TTLL7: variants seen among roughly 807,000 people sequenced by gnomAD.
The protein encoded by TTLL7 is tubulin polyglutamylase TTLL7.
Under a neutral mutation model 120.2 loss-of-function variants are expected in TTLL7, and 53 were observed. The ratio of observed to expected loss-of-function variants is 0.44; its 90% CI spans 0.35 to 0.55. The LOEUF is 0.55. TTLL7 is among the 20% of genes least tolerant of loss of function. The pLI is 0.00. For missense variants in TTLL7, 803 were observed against 1,054.7 expected (o/e 0.76, Z 3.31); for synonymous variants, 353 against 351.7 (o/e 1.00, Z -0.04).
chr1:83,884,215 A>C (rs1195918487), intron 19 of TTLL7, among the ~76,000 whole-genome samples: 1 of 151,870 alleles, frequency 6.6e-6, no homozygotes, highest in Non-Finnish European at 1.5e-5. Context: ...TCAAGCCTCC[A>C]GGGGAAATTT....
intron 1 of TTLL7, among the ~76,000 whole-genome samples, chr1:83,967,406 A>T (rs1230292209): frequency 6.6e-6 from 1 of 152,136 alleles, no homozygotes; most frequent in African/African-American, 2.4e-5. Context: ...AGCACAATTC[A>T]TTCAGACCTC....
chr1:83,973,585 A>G (rs1651192018), intron 1 of TTLL7, among the ~76,000 whole-genome samples: 1 of 151,992 alleles, frequency 6.6e-6, no homozygotes, highest in Non-Finnish European at 1.5e-5. Context: ...TTTTAGAATC[A>G]GTTTGTCAAT....
At chr1:83,938,352 ATTTG>A (rs1247210376) in intron 7 of TTLL7, among the ~76,000 whole-genome samples, 1 of 152,224 alleles carries the variant, frequency 6.6e-6, no homozygotes, top group African/African-American at 2.4e-5. Flanking sequence ...GTTCTTGTTA[ATTTG>A]TTTGTTTTCA....
intron 1 of TTLL7, among the ~76,000 whole-genome samples, chr1:83,965,262 T>G (rs1269329989): frequency 6.6e-6 from 1 of 152,118 alleles, no homozygotes; most frequent in African/African-American, 2.4e-5. Context: ...GGGAGGGACC[T>G]GGTGGGAGGT....
intron 19 of TTLL7, among the ~76,000 whole-genome samples, chr1:83,884,754 G>A (rs895028722): frequency 1.1e-4 from 16 of 149,522 alleles, no homozygotes; most frequent in East Asian, 6.0e-4. Flanking sequence ...GGATAGCATT[G>A]GGAGATATAC....
chr1:83,963,823 CA>C (rs1248978043), intron 1 of TTLL7, among the ~76,000 whole-genome samples: 1 of 152,124 alleles, frequency 6.6e-6, no homozygotes, highest in African/African-American at 2.4e-5. Flanking sequence ...CTAATTTCTA[CA>C]ATCAGGCAGA....
chr1:83,929,104 T>A, intron 10 of TTLL7, 32 bp downstream of exon 10: 1 of 1,445,826 alleles, frequency 6.9e-7, no homozygotes, highest in African/African-American at 1.4e-5. Flanking sequence ...AATGTGGAGA[T>A]AAATGTCCAA....
In TTLL7 at chr1:83,968,628, T is replaced by G. The variant is rs144338802; in HGVS notation, c.-176-16241A>C. On this transcript the variant is annotated intron_variant, in intron 1 of 20. Transcript: ENST00000260505. Reference sequence around the variant, plus strand: ...AACTGTCATTTCTCTTGGTCTCTTTTAACATTGAGACTAGGAAACTGAGGT... The same window carrying G: ...AACTGTCATTTCTCTTGGTCTCTTTGAACATTGAGACTAGGAAACTGAGGT... Among the ~76,000 whole-genome samples, 6 of 152,194 alleles carry G rather than the reference T, an allele frequency of 3.9e-5. No homozygotes were observed. In the East Asian group the frequency reaches 1.2e-3, roughly 30 times the overall value.
At chr1:83,873,143 C>T (rs1233972087) in intron 20 of TTLL7, among the ~76,000 whole-genome samples, 2 of 151,900 alleles carry the variant, frequency 1.3e-5, no homozygotes, top group Non-Finnish European at 2.9e-5. Context: ...ATGCCGCAAA[C>T]CTAAACTTTT....
intron 10 of TTLL7, among the ~76,000 whole-genome samples, chr1:83,927,110 A>C (rs1445020399): frequency 6.6e-6 from 1 of 152,170 alleles, no homozygotes; most frequent in East Asian, 1.9e-4. Flanking sequence ...AGCAGTTGTG[A>C]TGGAATATCC....
At chr1:83,937,720 T>A (rs534665668) in intron 8 of TTLL7, 132 bp downstream of exon 8, 713 of 1,005,004 alleles carry the variant, frequency 7.1e-4, no homozygotes, top group Non-Finnish European at 9.9e-4. Flanking sequence ...ATGATCTGAT[T>A]TTTTTCTCTC....
intron 1 of TTLL7, among the ~76,000 whole-genome samples, chr1:83,986,870 G>A (rs1055945591): frequency 2.6e-5 from 4 of 152,042 alleles, no homozygotes; most frequent in Non-Finnish European, 5.9e-5. Flanking sequence ...AGAAGGCAAG[G>A]ATGTCCACTC....
intron 18 of TTLL7, among the ~76,000 whole-genome samples, chr1:83,902,708 G>C (rs989933802): frequency 6.6e-6 from 1 of 151,814 alleles, no homozygotes; most frequent in Non-Finnish European, 1.5e-5. Flanking sequence ...GTTTCATCTA[G>C]TTGACACCTT....
intron 9 of TTLL7, among the ~76,000 whole-genome samples, chr1:83,930,185 G>T (rs1571221119): frequency 6.6e-6 from 1 of 152,142 alleles, no homozygotes; most frequent in African/African-American, 2.4e-5. Flanking sequence ...TTGGTAGATA[G>T]TATTCCAGAT....
intron 6 of TTLL7, among the ~76,000 whole-genome samples, chr1:83,944,387 A>G (rs1041429761): frequency 2.0e-5 from 3 of 152,202 alleles, no homozygotes; most frequent in Non-Finnish European, 4.4e-5. Flanking sequence ...GTCAAAGAAC[A>G]CCAGAAAGGT....
At chr1:83,968,917 A>G (rs1001352074) in intron 1 of TTLL7, among the ~76,000 whole-genome samples, 6 of 152,058 alleles carry the variant, frequency 3.9e-5, no homozygotes, top group Admixed American at 3.9e-4. Flanking sequence ...ACAATGGGAA[A>G]TAAGAAAACT....
At chr1:83,938,214 C>T (rs1647601249) in intron 7 of TTLL7, among the ~76,000 whole-genome samples, 198 bp from the exon 8 acceptor site, 1 of 152,134 alleles carries the variant, frequency 6.6e-6, no homozygotes, top group Admixed American at 6.6e-5. Flanking sequence ...AGAATGTAGT[C>T]ATCTACAGAG....
intron 1 of TTLL7, among the ~76,000 whole-genome samples, chr1:83,958,786 C>G (rs1340333687): frequency 1.3e-5 from 2 of 152,096 alleles, no homozygotes; most frequent in Admixed American, 1.3e-4. Flanking sequence ...AATGTCAGTT[C>G]TACATTAGTG....
At chr1:83,880,104 T>C (rs567674988) in intron 20 of TTLL7, 7 of 152,004 alleles carry the variant, frequency 4.6e-5, no homozygotes, top group Non-Finnish European at 7.4e-5. Flanking sequence ...TTCATTTATA[T>C]GGTATGATGT....
Sources: allele counts gnomAD v4.1 joint callset (sites outside exome capture counted in the v4.1 genomes callset), GRCh38; gene constraint gnomAD v4.1.1; transcripts MANE v1.5; gene names NCBI Gene and HGNC (gene_info 2026-07-23, HGNC 2026-07-21).